Variants in CLVS1 observed in about 807,000 individuals in gnomAD.
The protein encoded by CLVS1 is clavesin-1.
In CLVS1, 10 loss-of-function variants were observed where a neutral mutation model predicts 33.1. The ratio of observed to expected loss-of-function variants is 0.30; its 90% CI spans 0.19 to 0.51. The LOEUF (loss-of-function observed/expected upper bound fraction) is 0.51. Among genes scored for constraint, CLVS1 ranks in the 20% least tolerant of loss-of-function variants. The pLI is 0.97. For synonymous variants in CLVS1, 163 were observed against 166.1 expected (o/e 0.98, Z 0.14); for missense variants, 343 against 433.4 (o/e 0.79, Z 1.85).
At chr8:61,404,780 A>G (rs1431661988) in intron 3 of CLVS1, among the ~76,000 whole-genome samples, 2 of 152,200 alleles carry the variant, frequency 1.3e-5, no homozygotes, top group Admixed American at 1.3e-4. Context: ...CCTTAGGTAT[A>G]AGAACTTCAG....
chr8:61,366,441 GT>G (rs1259799339), intron 2 of CLVS1, among the ~76,000 whole-genome samples: 5 of 152,184 alleles, frequency 3.3e-5, no homozygotes, highest in African/African-American at 1.2e-4. Context: ...AATCAAATCT[GT>G]TTCCTTTCCT....
intron 2 of CLVS1, among the ~76,000 whole-genome samples, chr8:61,345,579 G>T (rs1274250783): frequency 6.6e-6 from 1 of 151,496 alleles, no homozygotes; most frequent in Non-Finnish European, 1.5e-5. Context: ...CCTCGAATAT[G>T]GTGCCTGCTC....
chr8:61,151,915 C>A (rs1217629055), intron 2 of CLVS1, among the ~76,000 whole-genome samples: 1 of 152,132 alleles, frequency 6.6e-6, no homozygotes, highest in Non-Finnish European at 1.5e-5. Context: ...AGTTTGAGAG[C>A]TTTAGAGGAA....
chr8:60,973,890 C>T, the CLVS1 span, among the ~76,000 whole-genome samples: 6 of 152,136 alleles, frequency 3.9e-5, no homozygotes, highest in African/African-American at 9.7e-5. Flanking sequence ...TGGAGGGTGG[C>T]GGCCCTCTCC....
At chr8:61,482,321 C>A (rs1818224758) in intron 5 of CLVS1, among the ~76,000 whole-genome samples, 1 of 152,196 alleles carries the variant, frequency 6.6e-6, no homozygotes, top group Admixed American at 6.5e-5. Context: ...CAGCTCCTCA[C>A]CAGCAATGGA....
chr8:61,366,315 T>C (rs1813208689), intron 2 of CLVS1, among the ~76,000 whole-genome samples: 1 of 152,196 alleles, frequency 6.6e-6, no homozygotes, highest in Non-Finnish European at 1.5e-5. Flanking sequence ...GCCTTCCTGT[T>C]TGTAAGCATC....
chr8:61,147,891 CT>C (rs1469460195), intron 2 of CLVS1, among the ~76,000 whole-genome samples: 4 of 152,200 alleles, frequency 2.6e-5, no homozygotes, highest in African/African-American at 9.7e-5. Flanking sequence ...TCAGGAACCC[CT>C]GAGGGGTCTT....
intron 5 of CLVS1, among the ~76,000 whole-genome samples, chr8:61,488,786 T>TG (rs1412175435): frequency 1.3e-5 from 2 of 152,208 alleles, no homozygotes; most frequent in African/African-American, 4.8e-5. Context: ...TAAGCCCTTT[T>TG]GTAGGTAAAT....
intron 3 of CLVS1, among the ~76,000 whole-genome samples, chr8:61,414,828 G>A (rs961136747): frequency 6.6e-6 from 1 of 152,222 alleles, no homozygotes; most frequent in Non-Finnish European, 1.5e-5. Flanking sequence ...CAGATGAGAT[G>A]TCAAATGTGC....
chr8:61,236,373 C>G (rs1808559644), intron 2 of CLVS1, among the ~76,000 whole-genome samples: 2 of 152,142 alleles, frequency 1.3e-5, no homozygotes, highest in Admixed American at 6.5e-5. Flanking sequence ...ATCATGGGGT[C>G]CGGAGTGAAA....
chr8:61,497,681 A>C (rs1339041522), intron 5 of CLVS1, among the ~76,000 whole-genome samples: 1 of 152,224 alleles, frequency 6.6e-6, no homozygotes, highest in Non-Finnish European at 1.5e-5. Context: ...TCATGCAAGA[A>C]AGAATTCAGG....
chr8:61,180,353 C>T, intron 2 of CLVS1, among the ~76,000 whole-genome samples: 1 of 152,070 alleles, frequency 6.6e-6, no homozygotes, highest in Non-Finnish European at 1.5e-5. Flanking sequence ...AATTAATAGC[C>T]TACCCACTAA....
the CLVS1 span, among the ~76,000 whole-genome samples, chr8:60,974,507 G>C: frequency 6.6e-6 from 1 of 152,128 alleles, no homozygotes; most frequent in Non-Finnish European, 1.5e-5. Flanking sequence ...AAAGTTTCTA[G>C]CCCATTGATA....
intron 2 of CLVS1, among the ~76,000 whole-genome samples, chr8:61,357,826 G>T (rs756055172): frequency 5.9e-5 from 9 of 151,856 alleles, no homozygotes; most frequent in Non-Finnish European, 1.0e-4. Flanking sequence ...CAAAGTGCTG[G>T]GATTACTGGT....
chr8:61,375,845 T>C (rs760004492), intron 2 of CLVS1, among the ~76,000 whole-genome samples: 5 of 152,218 alleles, frequency 3.3e-5, no homozygotes, highest in Middle Eastern at 3.2e-3. Flanking sequence ...CACTTCTTCA[T>C]GTCTGAAAAT....
intron 3 of CLVS1, among the ~76,000 whole-genome samples, chr8:61,393,951 A>C (rs1814410521): frequency 6.6e-6 from 1 of 152,120 alleles, no homozygotes; most frequent in Admixed American, 6.5e-5. Context: ...CAGGCAATGG[A>C]ATTGCCTGCA....
At chr8:61,008,837 A>G in the CLVS1 span, among the ~76,000 whole-genome samples, 1 of 152,242 alleles carries the variant, frequency 6.6e-6, no homozygotes, top group Admixed American at 6.5e-5. Context: ...ATCAGGACTC[A>G]TGATGTCATA....
chr8:61,359,455 A>T (rs1409866064), intron 2 of CLVS1, among the ~76,000 whole-genome samples: 1 of 152,044 alleles, frequency 6.6e-6, no homozygotes, highest in African/African-American at 2.4e-5. Context: ...TCACAGGTTC[A>T]AGTGATTCTC....
chr8:61,398,089 G>T (rs926308639), intron 3 of CLVS1, among the ~76,000 whole-genome samples: 4 of 151,982 alleles, frequency 2.6e-5, no homozygotes, highest in African/African-American at 9.7e-5. Context: ...CCTACTTGGG[G>T]AGTACTGCCA....
Sources: allele counts gnomAD v4.1 joint callset (sites outside exome capture counted in the v4.1 genomes callset), GRCh38; gene constraint gnomAD v4.1.1; transcripts MANE v1.5; gene names NCBI Gene and HGNC (gene_info 2026-07-23, HGNC 2026-07-21).